FN1: variants seen among roughly 807,000 people sequenced by gnomAD.
The protein encoded by FN1 is fibronectin 1, also known as fibronectin.
FN1 carries 106 observed loss-of-function variants against 297.3 expected under a neutral mutation model. The observed-to-expected ratio is 0.36, with a 90% confidence interval of 0.30 to 0.42. FN1 has a LOEUF of 0.42. Ranked by LOEUF, FN1 falls within the 10% of genes least tolerant of loss-of-function variation. FN1 has a pLI of 1.00. For missense variants in FN1, 2,690 were observed against 3,124.9 expected, an observed-to-expected ratio of 0.86 and a Z score of 3.32; for synonymous variants, 1,149 against 1,152.6, an observed-to-expected ratio of 1.00 and a Z score of 0.06.
chr2:215,376,797 A>T (rs2057355404), intron 35 of FN1, 123 bp from the exon 36 acceptor site: 1 of 793,838 alleles, frequency 1.3e-6, no homozygotes, highest in Non-Finnish European at 2.1e-6. Flanking sequence ...ATAACTAGTA[A>T]TGTGTAGATT....
At chr2:215,386,478 C>A (rs1286880091) in intron 28 of FN1, among the ~76,000 whole-genome samples, 1 of 151,844 alleles carries the variant, frequency 6.6e-6, no homozygotes. Context: ...TTCTTTACTG[C>A]CACCACGCCC....
intron 8 of FN1, among the ~76,000 whole-genome samples, 179 bp from the exon 9 acceptor site, chr2:215,423,705 T>C (rs2064849925): frequency 6.6e-6 from 1 of 152,116 alleles, no homozygotes; most frequent in Non-Finnish European, 1.5e-5. Flanking sequence ...CCTTCACACC[T>C]TCAAAACAGG....
In FN1 at chr2:215,430,773, C is replaced by T; in HGVS notation, c.627G>A (p.Met209Ile). ...CTCCCAGGCAAGTACAATCTACCAT[C>T]ATCCAGCCTTGGTAGGGCTTCTCCC... ...ETWEKPYQGW[M>I]MVDCTCLGEG... Residue 209 changes from methionine to isoleucine, a missense_variant, in exon 5 of 46, where the codon ATG (methionine) becomes ATA (isoleucine). Around this residue, in one of 3 missense-constraint regions of FN1, gnomAD observed 876 missense variants for 1,058.1 expected, o/e 0.83. Coordinates refer to ENST00000354785, the MANE Select transcript of FN1 (RefSeq NM_212482.4). 1.9e-6 allele frequency: 3 copies of T among 1,614,128 alleles called. No individual in the cohort carries two copies. The highest frequency in any genetic ancestry group is 2.5e-6 in the Non-Finnish European group (3 of 1,179,960).
chr2:215,411,881 A>G (rs1386436360), intron 13 of FN1, among the ~76,000 whole-genome samples: 1 of 151,934 alleles, frequency 6.6e-6, no homozygotes, highest in Non-Finnish European at 1.5e-5. Context: ...GTTGGCCAGG[A>G]TGCTCTCGAT....
chr2:215,368,207 T>C (rs190451377), intron 41 of FN1, among the ~76,000 whole-genome samples, 180 bp from the exon 42 acceptor site: 60 of 152,368 alleles, frequency 3.9e-4, no homozygotes, highest in African/African-American at 1.4e-3. Context: ...TGGTTAGATG[T>C]GACACCTGTC....
intron 26 of FN1, among the ~76,000 whole-genome samples, chr2:215,389,178 A>C (rs956088644): frequency 3.3e-5 from 5 of 151,936 alleles, no homozygotes; most frequent in African/African-American, 1.2e-4. Flanking sequence ...ATCTTGGCTC[A>C]CTGAAACCTC....
intron 1 of FN1, 149 bp downstream of exon 1, chr2:215,435,506 C>T (rs539954791): frequency 2.6e-6 from 3 of 1,149,422 alleles, no homozygotes; most frequent in East Asian, 5.1e-5. Flanking sequence ...GCTCAAAACT[C>T]GGTCCTTTTG....
intron 8 of FN1, 115 bp downstream of exon 8, chr2:215,424,031 C>T (rs1181449327): frequency 9.3e-7 from 1 of 1,078,400 alleles, no homozygotes; most frequent in East Asian, 2.4e-5. Context: ...CCAAACTGAA[C>T]AAAAGCGATG....
chr2:215,379,580 G>A (rs2057908948), intron 33 of FN1: 2 of 332,382 alleles, frequency 6.0e-6, no homozygotes. Context: ...GAGATTTTAG[G>A]TTTTACAAGT....
intron 20 of FN1, among the ~76,000 whole-genome samples, chr2:215,401,270 AGGAAAG>A (rs2061111486): frequency 1.3e-5 from 1 of 79,464 alleles, no homozygotes; most frequent in African/African-American, 5.9e-5. Flanking sequence ...AAGGAAGGAA[AGGAAAG>A]GAAAGGAAGA....
rs2053425656 is a variant in FN1, at chr2:215,361,514, G to A, written c.*41C>T. On this transcript the variant is annotated 3_prime_UTR_variant, in exon 46 of 46. Coordinates refer to ENST00000354785, the MANE Select transcript of FN1 (RefSeq NM_212482.4). ...CATCACTCCAGTTTAGATGGATCTT[G>A]GCAGAGAGACATGCTTGTTCCTCTG... The A allele has an allele frequency of 7.4e-7, 1 of 1,351,774 alleles. No individual in the cohort carries two copies. The highest frequency in any genetic ancestry group is 1.8e-4 in the Middle Eastern group (1 of 5,596). 83.7% of individuals were successfully genotyped at this position (1,351,774 alleles called of 1,614,324 possible).
At position 215,428,236 on chromosome 2, in the gene FN1, T is replaced by C. The variant is rs770344278; in HGVS notation, c.788A>G (p.Asn263Ser). The C allele has an allele frequency of 9.2e-6, 14 of 1,522,898 alleles. No homozygotes were observed. Among genetic ancestry groups the C allele is most frequent in the African/African-American group, 2.8e-5 (2 of 72,614 alleles). The allele number at this position is 1,522,898 out of a possible 1,614,324, so 94.3% of individuals were successfully genotyped here. ...GNLLQCICTGNGRGEWKCERH... is the reference protein window; with the variant it reads ...GNLLQCICTGSGRGEWKCERH... ...CTCACACTTCCACTCTCCTCGGCCG[T>C]TGCCTGTGCAGATGCACTGGAGCAG... Residue 263 changes from asparagine (N) to serine (S), a missense_variant, in exon 6 of 46, where the codon AAC becomes AGC. Transcript: ENST00000354785.
chr2:215,364,295 A>G (rs547013207), intron 44 of FN1: 7 of 177,766 alleles, frequency 3.9e-5, no homozygotes, highest in South Asian at 2.6e-4. Context: ...ATTTTCTTAC[A>G]TCTGAGATAT....
At position 215,368,031 on chromosome 2, in the gene FN1, TGAAGAAAAG is replaced by T. The variant is rs772102417; in HGVS notation, c.6854-13_6854-5del. 2 of 1,614,014 alleles carry T rather than the reference TGAAGAAAAG, an allele frequency of 1.2e-6. No homozygotes were observed. The highest frequency in any genetic ancestry group is 1.7e-6 in the Non-Finnish European group (2 of 1,179,904). On this transcript the variant is annotated splice_polypyrimidine_tract_variant and splice_region_variant and intron_variant, in intron 41 of 45. Transcript: ENST00000354785. Reference sequence around the variant, plus strand: ...GGTTGGTTCAAGCCTTCGTTGACTATGAAGAAAAGGAAGAAAAAGCAAAAAGAGACATCT... The same window carrying T: ...GGTTGGTTCAAGCCTTCGTTGACTATGAAGAAAAAGCAAAAAGAGACATCT...
At chr2:215,417,042 T>C (rs1469350583) in intron 12 of FN1, among the ~76,000 whole-genome samples, 1 of 152,232 alleles carries the variant, frequency 6.6e-6, no homozygotes, top group Non-Finnish European at 1.5e-5. Context: ...TTAGATCAAT[T>C]AAATTCCTAT....
At position 215,373,329 on chromosome 2, in the gene FN1, T is replaced by A; in HGVS notation, c.6240A>T (p.Lys2080Asn). Residue 2080 changes from lysine (K) to asparagine (N), a missense_variant, in exon 39 of 46, where the codon AAA becomes AAT. Around this residue, in one of 3 missense-constraint regions of FN1, gnomAD observed 1,743 missense variants for 1,945.2 expected, o/e 0.90. Coordinates refer to ENST00000354785, the MANE Select transcript of FN1 (RefSeq NM_212482.4). The part of the protein sequence containing the change: ...NQKSEPLIGR[K>N]KTDELPQLVT... ...CCTGCAAGATACTCTTACCTGTCTT[T>A]TTCCTTCCAATCAGGGGCTCGCTCT... 1 of 1,613,036 alleles carries A rather than the reference T, an allele frequency of 6.2e-7. No homozygotes were observed. Among genetic ancestry groups the A allele is most frequent in the Non-Finnish European group, 8.5e-7 (1 of 1,179,132 alleles).
Position 215,362,048 on chromosome 2 carries a change from C to T in FN1, c.7283G>A (p.Gly2428Glu). Residue 2428 changes from glycine to glutamate, a missense_variant, in exon 45 of 46, where the codon GGG becomes GAG. Coordinates refer to ENST00000354785, the MANE Select transcript of FN1 (RefSeq NM_212482.4). ...GWRCDNCRRP[G>E]GEPSPEGTTG... The stretch of plus-strand genomic sequence containing the variant: ...AGTGCCTTCGGGACTGGGTTCACCC[C>T]CAGGTCTGCGGCAGTTGTCACAGCG... 6.2e-7 allele frequency: 1 copy of T among 1,614,016 alleles called. No individual in the cohort carries two copies. Among genetic ancestry groups the T allele is most frequent in the Non-Finnish European group, 8.5e-7 (1 of 1,180,002 alleles).
chr2:215,391,594 G>C, intron 26 of FN1, 38 bp downstream of exon 26: 2 of 1,558,506 alleles, frequency 1.3e-6, no homozygotes, highest in Non-Finnish European at 1.8e-6. Context: ...CTATGCTCTA[G>C]GTTAATATTT....
rs1384901427 is a variant in FN1, at chr2:215,382,338, T to C, written c.5051-13A>G. ...ATTTCTGTTTGATCTGCAAAGGGAGTGAAAAGCAAATGCAACATCCACGTC... is the reference window on the plus strand; with the variant it reads ...ATTTCTGTTTGATCTGCAAAGGGAGCGAAAAGCAAATGCAACATCCACGTC... On this transcript the variant is annotated splice_polypyrimidine_tract_variant and intron_variant, in intron 31 of 45. Coordinates refer to ENST00000354785, the MANE Select transcript of FN1 (RefSeq NM_212482.4). 1 of 1,561,532 alleles carries C rather than the reference T, an allele frequency of 6.4e-7. No homozygotes were observed.
Sources: allele counts gnomAD v4.1 joint callset (sites outside exome capture counted in the v4.1 genomes callset), GRCh38; gene constraint gnomAD v4.1.1; regional missense constraint gnomAD v4.1.1; transcripts MANE v1.5; gene names NCBI Gene and HGNC (gene_info 2026-07-23, HGNC 2026-07-21).